The following AKAP7 variants were observed in gnomAD, a reference collection of about 807,000 sequenced individuals.
AKAP7 encodes A-kinase anchoring protein 7.
A neutral mutation model predicts 39.5 loss-of-function variants in AKAP7; 39 were observed. The observed-to-expected ratio is 0.99, with a 90% CI of 0.76 to 1.29. AKAP7 has a LOEUF of 1.29. Ranked by LOEUF, AKAP7 falls within the 50% of genes most tolerant of loss-of-function variation. AKAP7 has a pLI of 0.00. For missense variants in AKAP7, 414 were observed against 407.7 expected, an observed-to-expected ratio of 1.02 and a Z score of -0.13; for synonymous variants, 140 against 139.1, an observed-to-expected ratio of 1.01 and a Z score of -0.05.
chr6:131,231,899 T>G (rs1311178778), intron 7 of AKAP7, among the ~76,000 whole-genome samples: 1 of 152,220 alleles, frequency 6.6e-6, no homozygotes, highest in Non-Finnish European at 1.5e-5. Flanking sequence ...TGTTTAAAAT[T>G]TGTTGTTATA....
rs568288072 is a variant in AKAP7 at position 131,202,457 on chromosome 6, G to A, written c.702+2884G>A. On this transcript the variant is annotated intron_variant, in intron 6 of 7. Coordinates refer to ENST00000431975, the MANE Select transcript of AKAP7 (RefSeq NM_016377.4). ...AAAAAATGATAAGTTCATGTCCTTTGTAGGGACATGGATGAAATTGGAAAT... is the reference window on the plus strand; with the variant it reads ...AAAAAATGATAAGTTCATGTCCTTTATAGGGACATGGATGAAATTGGAAAT... 1.2e-4 allele frequency among the ~76,000 whole-genome samples: 18 copies of A among 149,790 alleles called. No homozygotes were observed. In the East Asian group the frequency reaches 2.9e-3, roughly 24 times the overall value.
At chr6:131,149,884 G>A (rs975208127) in intron 2 of AKAP7, among the ~76,000 whole-genome samples, 1 of 152,182 alleles carries the variant, frequency 6.6e-6, no homozygotes, top group African/African-American at 2.4e-5. Context: ...CTGCTGTTGG[G>A]AATAGCTTAG....
At chr6:131,174,309 TG>T (rs1277425735) in intron 5 of AKAP7, among the ~76,000 whole-genome samples, 1 of 152,242 alleles carries the variant, frequency 6.6e-6, no homozygotes, top group African/African-American at 2.4e-5. Flanking sequence ...TATTAATTAT[TG>T]GGGACTTACT....
At chr6:131,186,664 C>T (rs565032645) in intron 5 of AKAP7, among the ~76,000 whole-genome samples, 29 of 152,284 alleles carry the variant, frequency 1.9e-4, no homozygotes, top group South Asian at 8.3e-4. Context: ...TCACAGATGA[C>T]ACCTTGCTAC....
chr6:131,252,958 G>A, intron 7 of AKAP7: 1 of 1,471,096 alleles, frequency 6.8e-7, no homozygotes, highest in South Asian at 1.2e-5. Context: ...GTTCCTCCTT[G>A]AAGGTAGCCC....
intron 4 of AKAP7, among the ~76,000 whole-genome samples, chr6:131,166,492 G>A (rs1007013872): frequency 4.6e-5 from 7 of 152,200 alleles, no homozygotes; most frequent in African/African-American, 1.7e-4. Context: ...TTATTTTAAA[G>A]AATTGTCTCC....
At chr6:131,247,943 C>T (rs1051408036) in intron 7 of AKAP7, among the ~76,000 whole-genome samples, 4 of 152,116 alleles carry the variant, frequency 2.6e-5, no homozygotes, top group African/African-American at 9.7e-5. Context: ...TTCTTAATTG[C>T]ACATTTTCAG....
At chr6:131,218,594 A>G (rs1278406962) in intron 6 of AKAP7, among the ~76,000 whole-genome samples, 1 of 152,192 alleles carries the variant, frequency 6.6e-6, no homozygotes, top group Non-Finnish European at 1.5e-5. Flanking sequence ...TAGTTACTTT[A>G]ATCTTATGGA....
chr6:131,260,272 C>A (rs111803804), intron 7 of AKAP7, among the ~76,000 whole-genome samples: 4 of 152,038 alleles, frequency 2.6e-5, no homozygotes, highest in Admixed American at 6.6e-5. Context: ...CATACGTGTG[C>A]GTGTATCTTT....
intron 7 of AKAP7, among the ~76,000 whole-genome samples, chr6:131,246,571 A>G (rs184796144): frequency 6.6e-6 from 1 of 152,016 alleles, no homozygotes. Context: ...CCAAGTTGCT[A>G]TTTTTCCTGG....
At chr6:131,272,879 T>C (rs1219679254) in intron 7 of AKAP7, among the ~76,000 whole-genome samples, 2 of 152,198 alleles carry the variant, frequency 1.3e-5, no homozygotes, top group East Asian at 3.8e-4. Context: ...GTACTGTAGT[T>C]TATGTCTTCT....
chr6:131,201,952 A>T (rs1212550804), intron 6 of AKAP7, among the ~76,000 whole-genome samples: 1 of 152,232 alleles, frequency 6.6e-6, no homozygotes, highest in African/African-American at 2.4e-5. Flanking sequence ...TGGGTGAAGG[A>T]CATGAACAGG....
intron 6 of AKAP7, among the ~76,000 whole-genome samples, chr6:131,205,493 T>TGTA (rs1808008371): frequency 1.3e-5 from 2 of 152,078 alleles, no homozygotes; most frequent in Non-Finnish European, 2.9e-5. Context: ...GGTAATTGCA[T>TGTA]GTAGTAGTAG....
chr6:131,136,954 A>G, intron 1 of AKAP7: 1 of 682,384 alleles, frequency 1.5e-6, no homozygotes, highest in Non-Finnish European at 1.8e-6. Context: ...TTATGTATGT[A>G]TGTATATATG....
At chr6:131,229,778 C>G (rs1284847183) in intron 7 of AKAP7, among the ~76,000 whole-genome samples, 1 of 152,154 alleles carries the variant, frequency 6.6e-6, no homozygotes, top group African/African-American at 2.4e-5. Flanking sequence ...TGTGAAACCG[C>G]TATTGCCTTC....
At chr6:131,267,499 G>T (rs1562254890) in intron 7 of AKAP7, among the ~76,000 whole-genome samples, 2 of 152,160 alleles carry the variant, frequency 1.3e-5, no homozygotes, top group Non-Finnish European at 2.9e-5. Flanking sequence ...ATCATAGTAG[G>T]TGCTTGAGAA....
intron 2 of AKAP7, among the ~76,000 whole-genome samples, chr6:131,148,550 A>C (rs540064711): frequency 1.3e-5 from 2 of 152,326 alleles, no homozygotes; most frequent in Admixed American, 1.3e-4. Context: ...AAAAATGTAA[A>C]ATAACGAATA....
chr6:131,148,273 A>G (rs1453775848), intron 2 of AKAP7, among the ~76,000 whole-genome samples: 1 of 152,246 alleles, frequency 6.6e-6, no homozygotes, highest in East Asian at 1.9e-4. Context: ...TTTATGAGTT[A>G]AAAGTCTTTG....
intron 7 of AKAP7, among the ~76,000 whole-genome samples, chr6:131,230,396 T>C (rs778413736): frequency 6.6e-6 from 1 of 152,212 alleles, no homozygotes; most frequent in Non-Finnish European, 1.5e-5. Context: ...GTATGTCTTC[T>C]TTTGAGAAGT....
Sources: gnomAD v4.1 joint callset for allele counts (sites outside exome capture counted in the v4.1 genomes callset) on GRCh38, gnomAD v4.1.1 for gene constraint, MANE v1.5 for transcripts, NCBI Gene and HGNC (gene_info 2026-07-23, HGNC 2026-07-21) for gene names.